The following GABRQ variants were observed in gnomAD, a reference collection of about 807,000 sequenced individuals.
GABRQ encodes the protein gamma-aminobutyric acid type A receptor subunit theta.
Under a neutral mutation model 30.5 loss-of-function variants are expected in GABRQ, and 19 were observed. The ratio of observed to expected loss-of-function variants is 0.62; its 90% CI spans 0.43 to 0.91. The LOEUF is 0.91. Ranked by LOEUF, GABRQ falls within the 40% of genes least tolerant of loss-of-function variation. GABRQ has a pLI of 0.00. For synonymous variants in GABRQ, 187 were observed against 210.2 expected, an observed-to-expected ratio of 0.89 and a Z score of 0.95; for missense variants, 520 against 521.4, an observed-to-expected ratio of 1.00 and a Z score of 0.03.
intron 2 of GABRQ, among the ~76,000 whole-genome samples, chrX:152,644,346 TCA>T (rs782238776): frequency 8.9e-6 from 1 of 112,486 alleles, no homozygotes; most frequent in East Asian, 2.8e-4. Context: ...GCATATTCAC[TCA>T]CACACATGAA....
chrX:152,658,121 C>T (rs782009829), downstream of GABRQ, among the ~76,000 whole-genome samples: 1 of 111,648 alleles, frequency 9.0e-6, no homozygotes, highest in East Asian at 2.8e-4. Context: ...ATTATGGACC[C>T]CAGCTCTCCA....
In GABRQ at chrX:152,652,879, T is replaced by C. The variant is rs782106882; in HGVS notation, c.1497T>C (p.Asp499=). The C allele has an allele frequency of 2.5e-6, 3 of 1,211,826 alleles. No homozygotes were observed. The highest frequency in any genetic ancestry group is 3.4e-6 in the Non-Finnish European group (3 of 895,174). ...ATGGTGTTACCCATGACCATGAAGA[T>C]TCCAATGAGAGCTTGAGCTCGGATG... ...HGHGVTHDHE[D]SNESLSSDER... Residue 499 remains aspartate, a synonymous_variant, in exon 9 of 9, where the codon GAT becomes GAC. Coordinates refer to ENST00000598523, the MANE Select transcript of GABRQ (RefSeq NM_018558.4).
intron 2 of GABRQ, among the ~76,000 whole-genome samples, chrX:152,642,418 C>T (rs1347625315): frequency 8.9e-6 from 1 of 111,927 alleles, no homozygotes; most frequent in African/African-American, 3.3e-5. Context: ...TTATTCCTTC[C>T]TTGCATACGG....
chrX:152,646,065 A>C (rs1930880962), intron 3 of GABRQ, among the ~76,000 whole-genome samples: 1 of 112,900 alleles, frequency 8.9e-6, no homozygotes, highest in Non-Finnish European at 1.9e-5. Flanking sequence ...CATATTCAAA[A>C]TATGCATCAT....
chrX:152,649,940 T>G, intron 6 of GABRQ, 61 bp downstream of exon 6: 5 of 941,827 alleles, frequency 5.3e-6, no homozygotes, highest in Non-Finnish European at 6.0e-6. Context: ...CATAAACTCC[T>G]AGCGGCCTCT....
chrX:152,648,581 G>T (rs904787401), intron 4 of GABRQ, among the ~76,000 whole-genome samples: 1 of 110,175 alleles, frequency 9.1e-6, no homozygotes, highest in Non-Finnish European at 1.9e-5. Flanking sequence ...AGCCAGGATG[G>T]TCTCCATCTC....
At chrX:152,651,353 T>C (rs1931014451) in intron 7 of GABRQ, among the ~76,000 whole-genome samples, 173 bp from the exon 8 acceptor site, 1 of 112,063 alleles carries the variant, frequency 8.9e-6, no homozygotes, top group Non-Finnish European at 1.9e-5. Context: ...AAGAAGTCAT[T>C]GAACCAGTGA....
intron 2 of GABRQ, among the ~76,000 whole-genome samples, chrX:152,642,653 C>G (rs1414129370): frequency 1.8e-5 from 2 of 112,014 alleles, no homozygotes; most frequent in Non-Finnish European, 3.8e-5. Context: ...ATAGGAAGTA[C>G]AGTTGAGGCA....
Position 152,652,876 on chromosome X carries a change from A to G in GABRQ, c.1494A>G (p.Glu498=). 8.3e-7 allele frequency: 1 copy of G among 1,211,644 alleles called. No individual in the cohort carries two copies. Among genetic ancestry groups the G allele is most frequent in the Non-Finnish European group, 1.1e-6 (1 of 894,970 alleles). ...GCCATGGTGTTACCCATGACCATGA[A>G]GATTCCAATGAGAGCTTGAGCTCGG... ...AHGHGVTHDH[E]DSNESLSSDE... is the part of the protein sequence containing the mutation. The change falls in exon 9 of 9, where the codon GAA becomes GAG. Residue 498 remains glutamate (E), a synonymous_variant. Transcript: ENST00000598523.
rs782517389 is a variant in GABRQ at position 152,641,604 on chromosome X, G to A, written c.238+1138G>A. Among the ~76,000 whole-genome samples, 49 of 111,902 alleles carry A rather than the reference G, an allele frequency of 4.4e-4. 1 individual carries two copies. The South Asian group carries it at 0.019, about 43-fold the overall frequency. On this transcript the variant is annotated intron_variant, in intron 2 of 8. Transcript: ENST00000598523. ...TCCCCTTAGCTCCCTTGCTCCCTCC[G>A]AAGTGTGAGAGCAGAAGGCACAGCC...
chrX:152,653,286 C>T lies in GABRQ; in HGVS notation c.*5C>T. On this transcript the variant is annotated 3_prime_UTR_variant, in exon 9 of 9. Coordinates refer to ENST00000598523, the MANE Select transcript of GABRQ (RefSeq NM_018558.4). The stretch of plus-strand genomic sequence containing the variant: ...TGGGTATACCATATGTATTAGTCCC[C>T]CAGTGCTCCAGAACAGCGGGAGCAC... 8.5e-7 allele frequency: 1 copy of T among 1,170,907 alleles called. No individual in the cohort carries two copies. Among genetic ancestry groups the T allele is most frequent in the Non-Finnish European group, 1.2e-6 (1 of 862,578 alleles).
In GABRQ at chrX:152,640,441, T is replaced by A; in HGVS notation, c.213T>A (p.Asp71Glu). The change falls in exon 2 of 9, where the codon GAT becomes GAA. Residue 71 changes from aspartate (D) to glutamate (E), a missense_variant. By Grantham distance (45) the Asp-to-Glu change is conservative. Transcript: ENST00000598523. The stretch of plus-strand genomic sequence containing the variant: ...TGGACAGGGTGCTGTCAAGATACGA[T>A]GTCCGCCTGAGACCGAATTTTGGAG... ...KILDRVLSRY[D>E]VRLRPNFGGA... 3 of 1,191,569 alleles carry A rather than the reference T, an allele frequency of 2.5e-6. No homozygotes were observed. Among genetic ancestry groups the A allele is most frequent in the Non-Finnish European group, 3.4e-6 (3 of 876,983 alleles).
rs782631566 is a variant in GABRQ at position 152,657,503 on chromosome X, G to A, written c.*4222G>A. ...ATACTGAAATAAAATTTTGTAAATA[G>A]CTAAAAGAAAAATAAATAAATATAA... On this transcript the variant is annotated 3_prime_UTR_variant, in exon 9 of 9. Coordinates refer to ENST00000598523, the MANE Select transcript of GABRQ (RefSeq NM_018558.4). 1 of 112,230 alleles carries A rather than the reference G, an allele frequency of 8.9e-6. No individual in the cohort carries two copies. The highest frequency in any genetic ancestry group is 3.2e-5 in the African/African-American group (1 of 30,818). 9.2% of individuals were successfully genotyped at this position (112,230 alleles called of 1,213,427 possible).
At position 152,656,981 on chromosome X, in the gene GABRQ, A is replaced by G. The variant is rs1931161738; in HGVS notation, c.*3700A>G. On this transcript the variant is annotated 3_prime_UTR_variant, in exon 9 of 9. Coordinates refer to ENST00000598523, the MANE Select transcript of GABRQ (RefSeq NM_018558.4). ...GAGGATGTTAAAGTCTCTCTTTGATAAACTTAAATTATGAAATAGCCCAGT... is the reference window on the plus strand; with the variant it reads ...GAGGATGTTAAAGTCTCTCTTTGATGAACTTAAATTATGAAATAGCCCAGT... The G allele has an allele frequency of 8.9e-6, 1 of 111,857 alleles. No homozygotes were observed. Among genetic ancestry groups the G allele is most frequent in the Non-Finnish European group, 1.9e-5 (1 of 53,205 alleles). The allele number at this position is 111,857 out of a possible 1,213,427, so 9.2% of individuals were successfully genotyped here. A position where few individuals can be genotyped will look rare whatever the true frequency, so the allele number is the denominator to read the frequency against.
chrX:152,649,953 T>C, intron 6 of GABRQ, 74 bp downstream of exon 6: 1 of 849,151 alleles, frequency 1.2e-6, no homozygotes. Context: ...CGGCCTCTGA[T>C]TTTGGCTCCT....
At chrX:152,650,864 G>A (rs1931005079) in intron 7 of GABRQ, among the ~76,000 whole-genome samples, 1 of 111,349 alleles carries the variant, frequency 9.0e-6, no homozygotes, top group African/African-American at 3.3e-5. Flanking sequence ...GTAAACGGAC[G>A]AGTCATAAGT....
intron 3 of GABRQ, 133 bp downstream of exon 3, chrX:152,645,727 G>A: frequency 1.1e-5 from 5 of 440,933 alleles, no homozygotes. Context: ...TTGGGACACT[G>A]CAGCCATTCA....
At position 152,650,549 on chromosome X, in the gene GABRQ, C is replaced by G. The variant is rs1930996027; in HGVS notation, c.870C>G (p.Asn290Lys). 6.6e-6 allele frequency: 8 copies of G among 1,204,660 alleles called. No homozygotes were observed. The Admixed American group carries it at 1.3e-4, about 20-fold the overall frequency. ...CCTCTTGGATATCGTTTTGGATGAA[C>G]TATGATTCCTCTGCAGCCAGGGTGA... ...TITSWISFWM[N>K]YDSSAARVTI... The change falls in exon 7 of 9, where the codon AAC becomes AAG. Residue 290 changes from asparagine (N) to lysine (K), a missense_variant. Coordinates refer to ENST00000598523, the MANE Select transcript of GABRQ (RefSeq NM_018558.4).
rs1292630136 is a variant in GABRQ at position 152,638,163 on chromosome X, C to T, written c.-40C>T. On this transcript the variant is annotated 5_prime_UTR_variant, in exon 1 of 9. Transcript: ENST00000598523. ...CCCCACCTCTGTTCCTTTTCGCGGC[C>T]CCGTCTCCCGCGCCCTCAGGCGCCC... The T allele has an allele frequency of 8.4e-7, 1 of 1,187,741 alleles. No individual in the cohort carries two copies. The highest frequency in any genetic ancestry group is 1.8e-5 in the African/African-American group (1 of 57,089).
Sources: gnomAD v4.1 joint callset for allele counts (sites outside exome capture counted in the v4.1 genomes callset) on GRCh38, gnomAD v4.1.1 for gene constraint, MANE v1.5 for transcripts, NCBI Gene and HGNC (gene_info 2026-07-23, HGNC 2026-07-21) for gene names.